LRRTM4: variants seen among roughly 807,000 people sequenced by gnomAD.
LRRTM4 encodes the protein leucine-rich repeat transmembrane neuronal protein 4.
LRRTM4 carries 25 observed loss-of-function variants against 47.6 expected under a neutral mutation model. That is an observed-to-expected ratio of 0.53 (90% CI 0.38 to 0.73). LRRTM4 has a LOEUF of 0.73. Among genes scored for constraint, LRRTM4 ranks in the 30% least tolerant of loss-of-function variants. The probability of loss-of-function intolerance (pLI) is 0.00; values close to 1 mark genes in which losing one functional copy is unlikely to be tolerated. For missense variants in LRRTM4, 638 were observed against 713.4 expected (o/e 0.89, Z 1.20); for synonymous variants, 311 against 269.5 (o/e 1.15, Z -1.51).
chr2:77,263,244 C>T (rs147595819), intron 3 of LRRTM4, among the ~76,000 whole-genome samples: 58 of 152,236 alleles, frequency 3.8e-4, no homozygotes, highest in African/African-American at 1.1e-3. Context: ...CTTTTCTTCA[C>T]ACCTTGTCCC....
At chr2:76,952,703 A>T (rs76807361) in intron 3 of LRRTM4, among the ~76,000 whole-genome samples, 3 of 151,898 alleles carry the variant, frequency 2.0e-5, no homozygotes, top group East Asian at 3.9e-4. Context: ...TATATCCAAA[A>T]GAAAATAGAT....
intron 3 of LRRTM4, among the ~76,000 whole-genome samples, chr2:76,873,504 G>GTATATATATATATATA (rs1371189658): frequency 2.2e-3 from 161 of 73,168 alleles, no homozygotes; most frequent in African/African-American, 5.0e-3. Flanking sequence ...ATATATATGT[G>GTATATATATATATATA]TGTATATATA....
chr2:77,039,792 A>G (rs1031932665), intron 3 of LRRTM4, among the ~76,000 whole-genome samples: 7 of 151,142 alleles, frequency 4.6e-5, no homozygotes, highest in Non-Finnish European at 1.0e-4. Flanking sequence ...TTTATATAAA[A>G]CCAAAAATGA....
chr2:76,781,716 G>T (rs977373632), intron 3 of LRRTM4, among the ~76,000 whole-genome samples: 1 of 151,950 alleles, frequency 6.6e-6, no homozygotes, highest in African/African-American at 2.4e-5. Flanking sequence ...CCCGTCCTCT[G>T]CGTCGCTCAC....
At chr2:77,040,070 T>C (rs544159654) in intron 3 of LRRTM4, among the ~76,000 whole-genome samples, 13 of 151,314 alleles carry the variant, frequency 8.6e-5, no homozygotes, top group African/African-American at 3.1e-4. Flanking sequence ...GACAGGTGGG[T>C]AGGCAGCAAA....
chr2:77,143,814 C>T (rs772993611), intron 3 of LRRTM4, among the ~76,000 whole-genome samples: 3 of 152,138 alleles, frequency 2.0e-5, no homozygotes, highest in Non-Finnish European at 4.4e-5. Flanking sequence ...TTATATCTAG[C>T]AGTTGCAGGT....
At chr2:76,796,856 C>A (rs10176922) in intron 3 of LRRTM4, among the ~76,000 whole-genome samples, 17,172 of 151,916 alleles carry the variant, frequency 0.11, 1,198 homozygotes, top group Non-Finnish European at 0.14. Flanking sequence ...ATTCGATCAA[C>A]TGGAAGAAAG....
intron 3 of LRRTM4, among the ~76,000 whole-genome samples, chr2:77,030,884 C>A (rs76063942): frequency 1.3e-5 from 2 of 152,198 alleles, no homozygotes; most frequent in East Asian, 1.9e-4. Flanking sequence ...TTCTTTCTGC[C>A]CCATCAAAGC....
At chr2:76,780,530 C>A (rs576053409) in intron 3 of LRRTM4, among the ~76,000 whole-genome samples, 1 of 152,090 alleles carries the variant, frequency 6.6e-6, no homozygotes, top group Non-Finnish European at 1.5e-5. Context: ...TGCTGATACC[C>A]TTTTTTCCAG....
intron 3 of LRRTM4, among the ~76,000 whole-genome samples, chr2:77,216,757 G>T (rs2103935843): frequency 6.6e-6 from 1 of 151,682 alleles, no homozygotes; most frequent in South Asian, 2.1e-4. Context: ...AGACTTAGTT[G>T]TGCATCTGTA....
chr2:76,829,663 G>A (rs969218484), intron 3 of LRRTM4, among the ~76,000 whole-genome samples: 1 of 151,890 alleles, frequency 6.6e-6, no homozygotes, highest in Non-Finnish European at 1.5e-5. Context: ...GTATGTGGAG[G>A]ACAAGGCTTA....
intron 3 of LRRTM4, among the ~76,000 whole-genome samples, chr2:77,047,994 T>A (rs1198430615): frequency 6.6e-6 from 1 of 152,086 alleles, no homozygotes; most frequent in African/African-American, 2.4e-5. Context: ...TTTTGTTAAA[T>A]AAGGTGATTA....
At chr2:76,834,743 A>G (rs1199056073) in intron 3 of LRRTM4, among the ~76,000 whole-genome samples, 1 of 152,144 alleles carries the variant, frequency 6.6e-6, no homozygotes, top group African/African-American at 2.4e-5. Flanking sequence ...TGATACACAT[A>G]GAAAATGTAT....
chr2:76,752,262 C>A (rs962506675), intron 3 of LRRTM4, among the ~76,000 whole-genome samples: 3 of 152,062 alleles, frequency 2.0e-5, no homozygotes, highest in African/African-American at 7.2e-5. Context: ...TTACTTAAAG[C>A]CTTTTAATTT....
At chr2:77,438,537 G>A (rs1260992185) in intron 3 of LRRTM4, among the ~76,000 whole-genome samples, 1 of 150,626 alleles carries the variant, frequency 6.6e-6, no homozygotes, top group African/African-American at 2.5e-5. Flanking sequence ...CTCCCGAATA[G>A]CTGGGACTAC....
At chr2:77,255,762 C>T (rs1221750254) in intron 3 of LRRTM4, among the ~76,000 whole-genome samples, 1 of 151,962 alleles carries the variant, frequency 6.6e-6, no homozygotes, top group Admixed American at 6.6e-5. Flanking sequence ...GTGGTTTGTA[C>T]CTCAAGCAAT....
intron 3 of LRRTM4, among the ~76,000 whole-genome samples, chr2:77,456,813 T>C (rs1676561388): frequency 1.3e-5 from 2 of 151,734 alleles, no homozygotes; most frequent in African/African-American, 2.4e-5. Context: ...TACAGCCTTC[T>C]ACTGAAATAC....
intron 3 of LRRTM4, among the ~76,000 whole-genome samples, chr2:76,918,106 C>CT (rs1674315419): frequency 1.3e-5 from 2 of 152,114 alleles, no homozygotes; most frequent in South Asian, 4.1e-4. Flanking sequence ...CACATATTAT[C>CT]TTTTCACAAA....
chr2:77,115,225 G>A (rs1671357013), intron 3 of LRRTM4, among the ~76,000 whole-genome samples: 1 of 152,090 alleles, frequency 6.6e-6, no homozygotes, highest in African/African-American at 2.4e-5. Context: ...AGAAAAATAT[G>A]GCTCTATTCT....
Sources: allele counts gnomAD v4.1 joint callset (sites outside exome capture counted in the v4.1 genomes callset), GRCh38; gene constraint gnomAD v4.1.1; transcripts MANE v1.5; gene names NCBI Gene and HGNC (gene_info 2026-07-23, HGNC 2026-07-21).